The following MAST2 variants were observed in gnomAD, a reference collection of about 807,000 sequenced individuals.
MAST2 encodes microtubule-associated serine/threonine-protein kinase 2.
MAST2 carries 70 observed loss-of-function variants against 147.4 expected under a neutral mutation model. The observed-to-expected ratio is 0.47, with a 90% confidence interval of 0.39 to 0.58. The LOEUF is 0.58. Ranked by LOEUF, MAST2 falls within the 20% of genes least tolerant of loss-of-function variation. The pLI is 0.00. For synonymous variants in MAST2, 869 were observed against 896.8 expected (o/e 0.97, Z 0.55); for missense variants, 2,080 against 2,302.3 (o/e 0.90, Z 1.98).
In MAST2 at chr1:45,954,595, C is replaced by T. The variant is rs79578645; in HGVS notation, c.501-4791C>T. 3.6e-3 allele frequency among the ~76,000 whole-genome samples: 541 copies of T among 152,300 alleles called. 6 individuals carry two copies. Among genetic ancestry groups the T allele is most frequent in the East Asian group, 0.033 (172 of 5,178 alleles). On this transcript the variant is annotated intron_variant, in intron 4 of 28. Coordinates refer to ENST00000361297, the MANE Select transcript of MAST2 (RefSeq NM_015112.3). ...CCAACTCTGCAGATATCCAGTACTT[C>T]ATCTTACTGGAATGAAAGAATTAAG... is the stretch of plus-strand genomic sequence containing the variant.
chr1:45,977,436 C>G (rs1211944051), intron 5 of MAST2, among the ~76,000 whole-genome samples: 1 of 151,512 alleles, frequency 6.6e-6, no homozygotes, highest in Non-Finnish European at 1.5e-5. Context: ...TGCAATGAGC[C>G]GAGGTGGCGC....
intron 10 of MAST2, among the ~76,000 whole-genome samples, chr1:46,017,569 G>T (rs1364386089): frequency 1.3e-5 from 2 of 152,072 alleles, no homozygotes; most frequent in Non-Finnish European, 2.9e-5. Flanking sequence ...ATGAAAAAAT[G>T]CTCACCATCA....
At chr1:45,837,682 A>G (rs973673056) in intron 3 of MAST2, among the ~76,000 whole-genome samples, 1 of 152,202 alleles carries the variant, frequency 6.6e-6, no homozygotes, top group African/African-American at 2.4e-5. Context: ...GTGTAAATTT[A>G]TCTTTATAAG....
At chr1:45,887,544 A>G (rs1361146466) in intron 4 of MAST2, among the ~76,000 whole-genome samples, 2 of 152,328 alleles carry the variant, frequency 1.3e-5, no homozygotes, top group Non-Finnish European at 1.5e-5. Flanking sequence ...TAGGCACTGC[A>G]TAGTGGGCAG....
chr1:45,845,919 C>T (rs548001231), intron 3 of MAST2, among the ~76,000 whole-genome samples: 1 of 152,212 alleles, frequency 6.6e-6, no homozygotes, highest in South Asian at 2.1e-4. Context: ...CACCACCATG[C>T]CCGGCTAGTT....
At chr1:45,848,590 T>G (rs981034785) in intron 3 of MAST2, among the ~76,000 whole-genome samples, 1 of 152,220 alleles carries the variant, frequency 6.6e-6, no homozygotes, top group African/African-American at 2.4e-5. Flanking sequence ...AGACTTTGCC[T>G]CATGCACCTT....
intron 3 of MAST2, among the ~76,000 whole-genome samples, chr1:45,830,371 C>T (rs947092847): frequency 6.6e-6 from 1 of 151,802 alleles, no homozygotes; most frequent in Non-Finnish European, 1.5e-5. Flanking sequence ...GATGGGGTTT[C>T]ACCACGTTGG....
At chr1:45,885,097 A>T (rs1647023515) in intron 4 of MAST2, among the ~76,000 whole-genome samples, 2 of 152,188 alleles carry the variant, frequency 1.3e-5, no homozygotes, top group Non-Finnish European at 2.9e-5. Flanking sequence ...ATGTTAATAA[A>T]ATGAGTGACT....
At chr1:45,910,628 CTG>C (rs1192057075) in intron 4 of MAST2, among the ~76,000 whole-genome samples, 1 of 152,172 alleles carries the variant, frequency 6.6e-6, no homozygotes, top group Admixed American at 6.5e-5. Context: ...ACCTTCAGAA[CTG>C]TGAATTGGAA....
intron 3 of MAST2, among the ~76,000 whole-genome samples, chr1:45,845,192 C>T (rs757235022): frequency 6.6e-5 from 10 of 152,006 alleles, no homozygotes; most frequent in Non-Finnish European, 1.2e-4. Flanking sequence ...CATGGGAGAA[C>T]GTTTATGCAA....
chr1:45,906,153 T>C (rs1650685802), intron 4 of MAST2, among the ~76,000 whole-genome samples: 1 of 152,224 alleles, frequency 6.6e-6, no homozygotes, highest in South Asian at 2.1e-4. Flanking sequence ...TACTGAGTTG[T>C]ACAAGTTATT....
intron 5 of MAST2, among the ~76,000 whole-genome samples, chr1:45,965,933 C>T (rs1170550354): frequency 2.0e-5 from 3 of 152,128 alleles, no homozygotes; most frequent in Admixed American, 2.0e-4. Context: ...TAGTGGTATA[C>T]ATTTTGTGTG....
chr1:45,973,309 T>C (rs905244880), intron 5 of MAST2, among the ~76,000 whole-genome samples: 4 of 152,188 alleles, frequency 2.6e-5, no homozygotes, highest in East Asian at 3.8e-4. Flanking sequence ...GCCCTAGATC[T>C]GTACTTTAGA....
intron 4 of MAST2, among the ~76,000 whole-genome samples, chr1:45,921,312 C>T (rs1164639556): frequency 6.6e-6 from 1 of 152,072 alleles, no homozygotes; most frequent in Admixed American, 6.5e-5. Flanking sequence ...TGGTCTTAAC[C>T]CCTCAGCTGT....
At chr1:45,976,949 G>T (rs759637383) in intron 5 of MAST2, among the ~76,000 whole-genome samples, 1 of 152,176 alleles carries the variant, frequency 6.6e-6, no homozygotes, top group Non-Finnish European at 1.5e-5. Context: ...TCAGACACTT[G>T]ATTTATGACA....
intron 5 of MAST2, among the ~76,000 whole-genome samples, chr1:45,987,926 A>T (rs1383873018): frequency 6.6e-6 from 1 of 151,070 alleles, no homozygotes; most frequent in Non-Finnish European, 1.5e-5. Context: ...TTTCCTTTCT[A>T]ATATAGTGTA....
At chr1:45,971,316 A>G (rs1643904730) in intron 5 of MAST2, among the ~76,000 whole-genome samples, 1 of 152,226 alleles carries the variant, frequency 6.6e-6, no homozygotes, top group African/African-American at 2.4e-5. Context: ...GGTCAGGCCT[A>G]GAGAGAGAAA....
At chr1:45,868,147 C>T (rs986129972) in intron 3 of MAST2, among the ~76,000 whole-genome samples, 1 of 152,166 alleles carries the variant, frequency 6.6e-6, no homozygotes, top group Admixed American at 6.5e-5. Flanking sequence ...AAAAGCTGTT[C>T]AAGTTGGGTC....
At chr1:45,913,768 TTG>T in intron 4 of MAST2, 2 of 1,112,148 alleles carry the variant, frequency 1.8e-6, no homozygotes, top group Non-Finnish European at 2.2e-6. Context: ...TGCATACCCC[TTG>T]TGTGAGAGAA....
Sources: gnomAD v4.1 joint callset for allele counts (sites outside exome capture counted in the v4.1 genomes callset) on GRCh38, gnomAD v4.1.1 for gene constraint, MANE v1.5 for transcripts, NCBI Gene and HGNC (gene_info 2026-07-23, HGNC 2026-07-21) for gene names.